Variants in AMBRA1 observed in about 807,000 individuals in gnomAD.
AMBRA1 encodes the protein autophagy and beclin 1 regulator 1.
AMBRA1 carries 47 observed loss-of-function variants against 125.4 expected under a neutral mutation model. The observed-to-expected ratio is 0.37, with a 90% CI of 0.30 to 0.48. The LOEUF (loss-of-function observed/expected upper bound fraction) is 0.48, where lower values mean the gene tolerates loss of function less well. Among genes scored for constraint, AMBRA1 ranks in the 20% least tolerant of loss-of-function variants. The pLI, the probability that AMBRA1 is intolerant of heterozygous loss-of-function variation, is 0.99. For synonymous variants in AMBRA1, 626 were observed against 655.5 expected, an observed-to-expected ratio of 0.95 and a Z score of 0.69; for missense variants, 1,331 against 1,693.4, an observed-to-expected ratio of 0.79 and a Z score of 3.76.
chr11:46,556,656 T>C (rs1165737744), intron 1 of AMBRA1, among the ~76,000 whole-genome samples: 1 of 152,144 alleles, frequency 6.6e-6, no homozygotes, highest in East Asian at 1.9e-4. Context: ...TTTCCTGGTA[T>C]ATGATGGTAT....
intron 7 of AMBRA1, among the ~76,000 whole-genome samples, chr11:46,514,143 G>C (rs1951380964): frequency 6.6e-6 from 1 of 152,182 alleles, no homozygotes; most frequent in South Asian, 2.1e-4. Flanking sequence ...CTTTAAAGCA[G>C]ACCTGCAGGA....
chr11:46,466,169 A>T (rs1344852010), intron 11 of AMBRA1, among the ~76,000 whole-genome samples: 1 of 152,200 alleles, frequency 6.6e-6, no homozygotes, highest in Admixed American at 6.5e-5. Flanking sequence ...AGTTGGGAAG[A>T]TAGGACTTCC....
At chr11:46,507,283 C>T (rs375975707) in intron 9 of AMBRA1, among the ~76,000 whole-genome samples, 66 of 149,530 alleles carry the variant, frequency 4.4e-4, no homozygotes, top group East Asian at 1.0e-3. Flanking sequence ...ATCAAGACCA[C>T]CCTGGCTAAC....
intron 11 of AMBRA1, among the ~76,000 whole-genome samples, chr11:46,488,613 C>T (rs73467917): frequency 0.012 from 1,839 of 152,008 alleles, 44 homozygotes; most frequent in African/African-American, 0.042. Context: ...TAGATTTAAC[C>T]GACATCTACA....
intron 11 of AMBRA1, among the ~76,000 whole-genome samples, chr11:46,467,943 A>G (rs1214444727): frequency 1.3e-5 from 2 of 152,216 alleles, no homozygotes; most frequent in African/African-American, 4.8e-5. Flanking sequence ...TGGGAAGATT[A>G]TAAGCAGGGA....
At chr11:46,439,724 T>C (rs989181481) in intron 12 of AMBRA1, among the ~76,000 whole-genome samples, 6 of 152,138 alleles carry the variant, frequency 3.9e-5, no homozygotes, top group African/African-American at 9.7e-5. Context: ...AAGCTCCTAT[T>C]ATAAGTTAAT....
chr11:46,464,873 C>T (rs1470610394), intron 11 of AMBRA1, among the ~76,000 whole-genome samples: 1 of 151,886 alleles, frequency 6.6e-6, no homozygotes, highest in Non-Finnish European at 1.5e-5. Context: ...GGTGAAACCC[C>T]GTCTCTACTA....
intron 11 of AMBRA1, among the ~76,000 whole-genome samples, chr11:46,449,920 G>A (rs917754511): frequency 6.6e-6 from 1 of 152,078 alleles, no homozygotes; most frequent in African/African-American, 2.4e-5. Context: ...TTAGCGGGGC[G>A]TGGTGGCGCA....
intron 17 of AMBRA1, among the ~76,000 whole-genome samples, chr11:46,402,765 G>A (rs544269333): frequency 3.3e-5 from 5 of 152,206 alleles, no homozygotes; most frequent in Admixed American, 2.0e-4. Flanking sequence ...TCATGGTGCC[G>A]AACACAATAC....
At chr11:46,421,542 A>G (rs1268221207) in intron 14 of AMBRA1, among the ~76,000 whole-genome samples, 1 of 152,208 alleles carries the variant, frequency 6.6e-6, no homozygotes, top group Non-Finnish European at 1.5e-5. Context: ...CTGAGAGGTC[A>G]TCTGGTCCAA....
At chr11:46,548,037 T>G (rs1415621715) in intron 2 of AMBRA1, among the ~76,000 whole-genome samples, 162 bp from the exon 3 acceptor site, 1 of 152,152 alleles carries the variant, frequency 6.6e-6, no homozygotes, top group Non-Finnish European at 1.5e-5. Context: ...AAACCTAAAT[T>G]ACCTTCAGGA....
At chr11:46,462,957 T>C (rs569572795) in intron 11 of AMBRA1, among the ~76,000 whole-genome samples, 54 of 152,252 alleles carry the variant, frequency 3.5e-4, no homozygotes, top group African/African-American at 1.3e-3. Context: ...TTTCACCATA[T>C]TGGCCAGGCT....
chr11:46,459,733 T>TACACACAC (rs1371062674), intron 11 of AMBRA1, among the ~76,000 whole-genome samples: 26 of 115,526 alleles, frequency 2.3e-4, no homozygotes, highest in African/African-American at 9.5e-4. Flanking sequence ...AAAAAAAAAA[T>TACACACAC]ACACATACAC....
At chr11:46,447,620 G>C (rs1035336801) in intron 11 of AMBRA1, among the ~76,000 whole-genome samples, 2 of 152,120 alleles carry the variant, frequency 1.3e-5, no homozygotes, top group Non-Finnish European at 2.9e-5. Flanking sequence ...GACTGAGGTG[G>C]GATAGCTTGA....
intron 15 of AMBRA1, among the ~76,000 whole-genome samples, chr11:46,416,426 G>A (rs183381589): frequency 6.6e-6 from 1 of 152,224 alleles, no homozygotes; most frequent in Non-Finnish European, 1.5e-5. Context: ...AGCTCCAAGA[G>A]CAGCCTGAGC....
intron 1 of AMBRA1, among the ~76,000 whole-genome samples, chr11:46,580,453 G>C (rs578111943): frequency 6.6e-6 from 1 of 152,114 alleles, no homozygotes. Context: ...CTAAAACTGA[G>C]GTCTTCATTC....
At chr11:46,457,297 C>T (rs552528697) in intron 11 of AMBRA1, among the ~76,000 whole-genome samples, 46 of 152,302 alleles carry the variant, frequency 3.0e-4, no homozygotes, top group African/African-American at 1.0e-3. Context: ...CAGCGACAGA[C>T]AGGCTAAGCT....
intron 1 of AMBRA1, among the ~76,000 whole-genome samples, chr11:46,588,520 A>G (rs2044480038): frequency 6.6e-6 from 1 of 152,032 alleles, no homozygotes; most frequent in African/African-American, 2.4e-5. Flanking sequence ...TCATACCTGT[A>G]TTCCCAGCAC....
intron 11 of AMBRA1, among the ~76,000 whole-genome samples, chr11:46,446,949 C>T (rs1422062538): frequency 1.3e-5 from 2 of 152,162 alleles, no homozygotes; most frequent in Non-Finnish European, 2.9e-5. Context: ...TTTGAGAATA[C>T]AGGTTTCAGA....
Sources: gnomAD v4.1 joint callset for allele counts (sites outside exome capture counted in the v4.1 genomes callset) on GRCh38, gnomAD v4.1.1 for gene constraint, MANE v1.5 for transcripts, NCBI Gene and HGNC (gene_info 2026-07-23, HGNC 2026-07-21) for gene names.